BRINP1: variants seen among roughly 807,000 people sequenced by gnomAD.
BRINP1 encodes the protein BMP/retinoic acid-inducible neural-specific protein 1.
A neutral mutation model predicts 72.9 loss-of-function variants in BRINP1; 17 were observed. That is an observed-to-expected ratio of 0.23 (90% CI 0.16 to 0.35). BRINP1 has a LOEUF of 0.35. Ranked by LOEUF, BRINP1 falls within the 10% of genes least tolerant of loss-of-function variation. The pLI is 1.00. For missense variants in BRINP1, 850 were observed against 1,001.6 expected (o/e 0.85, Z 2.04); for synonymous variants, 418 against 378.5 (o/e 1.10, Z -1.21).
rs576467256 is a variant in BRINP1 at position 119,233,425 on chromosome 9, AT to A, written c.685+5229del. On this transcript the variant is annotated intron_variant, in intron 5 of 7. Coordinates refer to ENST00000265922, the MANE Select transcript of BRINP1 (RefSeq NM_014618.3). Reference sequence around the variant, plus strand: ...ACATAAATAAGCAAAAATAAATCTAATAAAAATAAATTAGCACAATCTCTGG... The same window carrying A: ...ACATAAATAAGCAAAAATAAATCTAAAAAAATAAATTAGCACAATCTCTGG... 1.6e-3 allele frequency among the ~76,000 whole-genome samples: 241 copies of A among 152,314 alleles called. 1 individual carries two copies. The highest frequency in any genetic ancestry group is 5.5e-3 in the African/African-American group (229 of 41,582).
At chr9:119,227,772 G>A (rs530970708) in intron 5 of BRINP1, among the ~76,000 whole-genome samples, 17 of 152,082 alleles carry the variant, frequency 1.1e-4, no homozygotes, top group Admixed American at 9.2e-4. Context: ...AGTGATGGGC[G>A]TGTGGGAGAG....
chr9:119,295,063 T>A (rs114182116), intron 2 of BRINP1, among the ~76,000 whole-genome samples: 1,793 of 152,128 alleles, frequency 0.012, 23 homozygotes, highest in African/African-American at 0.04. Context: ...AGAAATCTTA[T>A]ACAGGAACAA....
At chr9:119,277,315 G>A (rs1830667638) in intron 2 of BRINP1, among the ~76,000 whole-genome samples, 1 of 152,154 alleles carries the variant, frequency 6.6e-6, no homozygotes, top group Admixed American at 6.5e-5. Flanking sequence ...AAATCTCCAT[G>A]AAGGACGCAG....
intron 1 of BRINP1, among the ~76,000 whole-genome samples, chr9:119,360,182 C>T (rs1237915699): frequency 6.6e-6 from 1 of 152,194 alleles, no homozygotes; most frequent in Non-Finnish European, 1.5e-5. Context: ...TGATGTGGAC[C>T]ACTTCACCTA....
intron 2 of BRINP1, among the ~76,000 whole-genome samples, chr9:119,296,947 G>T (rs953008970): frequency 6.6e-6 from 1 of 152,096 alleles, no homozygotes; most frequent in Non-Finnish European, 1.5e-5. Flanking sequence ...CTAATATACA[G>T]CATGGTGACT....
chr9:119,177,735 T>C (rs1002769352), intron 7 of BRINP1, among the ~76,000 whole-genome samples: 1 of 152,162 alleles, frequency 6.6e-6, no homozygotes, highest in Non-Finnish European at 1.5e-5. Context: ...TTCCTGGTGA[T>C]GCTGCAATAA....
chr9:119,232,657 T>C (rs746940223), intron 5 of BRINP1, among the ~76,000 whole-genome samples: 1 of 152,144 alleles, frequency 6.6e-6, no homozygotes, highest in Non-Finnish European at 1.5e-5. Flanking sequence ...GACCATACAG[T>C]TGGTGCTCTG....
chr9:119,358,783 T>G (rs1268733256), intron 1 of BRINP1, among the ~76,000 whole-genome samples: 6 of 152,230 alleles, frequency 3.9e-5, no homozygotes, highest in Admixed American at 2.6e-4. Flanking sequence ...TGATCCTATG[T>G]CTATATCTGG....
At chr9:119,317,985 A>C (rs910504396) in intron 1 of BRINP1, among the ~76,000 whole-genome samples, 17 of 152,236 alleles carry the variant, frequency 1.1e-4, no homozygotes, top group Admixed American at 3.3e-4. Context: ...AGGCCAAAAA[A>C]TTGGGGTGAT....
At chr9:119,283,591 C>G (rs1337447983) in intron 2 of BRINP1, among the ~76,000 whole-genome samples, 1 of 152,180 alleles carries the variant, frequency 6.6e-6, no homozygotes, top group African/African-American at 2.4e-5. Context: ...TGCGACGGCA[C>G]GATCTCGGCT....
At chr9:119,273,181 AT>A (rs1830624433) in intron 2 of BRINP1, among the ~76,000 whole-genome samples, 1 of 152,238 alleles carries the variant, frequency 6.6e-6, no homozygotes, top group African/African-American at 2.4e-5. Context: ...TGAACTCAGG[AT>A]CCTATTCCTG....
chr9:119,218,006 C>A (rs1829997250), intron 5 of BRINP1, among the ~76,000 whole-genome samples: 1 of 152,032 alleles, frequency 6.6e-6, no homozygotes, highest in African/African-American at 2.4e-5. Flanking sequence ...AAGGCATCTT[C>A]AATTTTTTTC....
chr9:119,278,493 G>C (rs370641001), intron 2 of BRINP1, among the ~76,000 whole-genome samples: 1 of 152,332 alleles, frequency 6.6e-6, no homozygotes, highest in East Asian at 1.9e-4. Flanking sequence ...CCAATGCGGG[G>C]ATTCAAACAA....
intron 7 of BRINP1, among the ~76,000 whole-genome samples, chr9:119,173,535 A>G (rs1829444198): frequency 1.3e-5 from 2 of 152,224 alleles, no homozygotes; most frequent in South Asian, 4.1e-4. Context: ...AAGAATCAAT[A>G]TCATGAAAAT....
chr9:119,200,663 A>T (rs1829796154), intron 7 of BRINP1, among the ~76,000 whole-genome samples: 1 of 151,738 alleles, frequency 6.6e-6, no homozygotes, highest in Non-Finnish European at 1.5e-5. Flanking sequence ...AAGAAAAGAA[A>T]AAAGATATAC....
At chr9:119,207,788 GA>G (rs1207578764) in intron 7 of BRINP1, among the ~76,000 whole-genome samples, 1 of 152,176 alleles carries the variant, frequency 6.6e-6, no homozygotes, top group Admixed American at 6.5e-5. Context: ...TTCTTTTTAA[GA>G]GTGGATCTTT....
At chr9:119,288,024 C>T (rs928418070) in intron 2 of BRINP1, among the ~76,000 whole-genome samples, 21 of 152,114 alleles carry the variant, frequency 1.4e-4, no homozygotes, top group African/African-American at 4.3e-4. Flanking sequence ...AGTCAGAGAC[C>T]CACAGTTACT....
intron 7 of BRINP1, among the ~76,000 whole-genome samples, chr9:119,171,118 T>TTCACACATAACACTATTAACTTTA (rs1829404146): frequency 6.6e-6 from 1 of 150,734 alleles, no homozygotes; most frequent in African/African-American, 2.5e-5. Context: ...CAGGATCAAA[T>TTCACACATAACACTATTAACTTTA]TCACACATAA....
chr9:119,321,810 A>C lies in BRINP1; in HGVS notation c.-50-8405T>G, dbSNP rs1831192011. Among the ~76,000 whole-genome samples the C allele has an allele frequency of 2.0e-5, 3 of 152,208 alleles. No homozygotes were observed. In the South Asian group the frequency reaches 6.2e-4, roughly 32 times the overall value. On this transcript the variant is annotated intron_variant, in intron 1 of 7. Transcript: ENST00000265922. The stretch of plus-strand genomic sequence containing the variant: ...TATATTGATTACATGTTGGAATATT[A>C]TGATCTGGGAAATACTGGATGAAAT...
Sources: allele counts gnomAD v4.1 joint callset (sites outside exome capture counted in the v4.1 genomes callset), GRCh38; gene constraint gnomAD v4.1.1; transcripts MANE v1.5; gene names NCBI Gene and HGNC (gene_info 2026-07-23, HGNC 2026-07-21).